Variants in CYRIB observed in about 807,000 individuals in gnomAD.
CYRIB encodes CYFIP related Rac1 interactor B.
Under a neutral mutation model 44.2 loss-of-function variants are expected in CYRIB, and 8 were observed. The observed-to-expected ratio is 0.18, with a 90% CI of 0.11 to 0.33. The LOEUF (loss-of-function observed/expected upper bound fraction) is 0.33. Ranked by LOEUF, CYRIB falls within the 10% of genes least tolerant of loss-of-function variation. CYRIB has a pLI of 1.00. For missense variants in CYRIB, 185 were observed against 382.8 expected, an observed-to-expected ratio of 0.48 and a Z score of 4.31; for synonymous variants, 131 against 127.2, an observed-to-expected ratio of 1.03 and a Z score of -0.20.
intron 2 of CYRIB, among the ~76,000 whole-genome samples, chr8:129,893,954 T>C (rs1240220450): frequency 1.3e-5 from 2 of 152,208 alleles, no homozygotes; most frequent in African/African-American, 4.8e-5. Flanking sequence ...ATACGTGATA[T>C]ACTGTGCATT....
intron 2 of CYRIB, among the ~76,000 whole-genome samples, chr8:129,891,001 CA>C (rs1443594022): frequency 1.3e-5 from 2 of 152,106 alleles, no homozygotes; most frequent in South Asian, 2.1e-4. Context: ...AGAAGAAAAA[CA>C]AAGGGATCTT....
chr8:129,853,405 T>G (rs2044398121), intron 7 of CYRIB, among the ~76,000 whole-genome samples: 1 of 152,246 alleles, frequency 6.6e-6, no homozygotes, highest in Non-Finnish European at 1.5e-5. Flanking sequence ...AGTGCCTTAG[T>G]GCAAGTGCTT....
intron 1 of CYRIB, among the ~76,000 whole-genome samples, chr8:129,922,620 T>C (rs2084323599): frequency 6.6e-6 from 1 of 151,762 alleles, no homozygotes; most frequent in Non-Finnish European, 1.5e-5. Flanking sequence ...TCCCAGCACT[T>C]TGGGAGGCCG....
intron 1 of CYRIB, among the ~76,000 whole-genome samples, chr8:129,909,823 T>C (rs528314998): frequency 6.6e-6 from 1 of 152,226 alleles, no homozygotes; most frequent in Non-Finnish European, 1.5e-5. Context: ...TGCATACACA[T>C]GCCCCTGCAC....
chr8:129,967,637 C>T (rs1435179519), intron 2 of CYRIB, among the ~76,000 whole-genome samples: 1 of 152,100 alleles, frequency 6.6e-6, no homozygotes, highest in East Asian at 1.9e-4. Flanking sequence ...CCTCAGCCTC[C>T]CAAAGTGCTG....
chr8:129,894,329 C>A (rs1466965867), intron 2 of CYRIB, among the ~76,000 whole-genome samples: 1 of 152,172 alleles, frequency 6.6e-6, no homozygotes, highest in African/African-American at 2.4e-5. Flanking sequence ...TTTTTAGAGT[C>A]TGAAATGTCT....
At position 130,016,441 on chromosome 8, in the gene CYRIB, C is replaced by G. The variant is rs543788190; in HGVS notation, c.-367G>C. 9.5e-3 allele frequency: 1,429 copies of G among 150,592 alleles called. 11 individuals are homozygous for G. Among genetic ancestry groups the G allele is most frequent in the Middle Eastern group, 0.05 (15 of 298 alleles). 9.3% of individuals were successfully genotyped at this position (150,592 alleles called of 1,614,324 possible). A position where few individuals can be genotyped will look rare whatever the true frequency, so the allele number is the denominator to read the frequency against. On this transcript the variant is annotated 5_prime_UTR_variant, in exon 1 of 15. Transcript: ENST00000401979. ...GCCTCGGAGCCTCCGGTGCCGCCGC[C>G]GCCGCCGTTTCCGGGTTGGCGGGGC...
chr8:129,910,132 C>T (rs1331549967), intron 1 of CYRIB, among the ~76,000 whole-genome samples: 2 of 152,124 alleles, frequency 1.3e-5, no homozygotes, highest in Non-Finnish European at 2.9e-5. Context: ...GTTTATGTAC[C>T]AGGCAACTTA....
At chr8:129,973,029 T>C (rs2095775703) in intron 1 of CYRIB, among the ~76,000 whole-genome samples, 1 of 152,156 alleles carries the variant, frequency 6.6e-6, no homozygotes, top group Non-Finnish European at 1.5e-5. Context: ...ACTCATTCAC[T>C]CAATAGCTAC....
chr8:129,846,090 C>T (rs2039820186), intron 11 of CYRIB, among the ~76,000 whole-genome samples: 1 of 152,212 alleles, frequency 6.6e-6, no homozygotes, highest in South Asian at 2.1e-4. Flanking sequence ...CAAGATTGTG[C>T]CACTGTACTC....
At chr8:129,874,074 T>C (rs991558777) in intron 3 of CYRIB, among the ~76,000 whole-genome samples, 4 of 151,882 alleles carry the variant, frequency 2.6e-5, no homozygotes, top group Middle Eastern at 3.2e-3. Context: ...TTTTATTTTA[T>C]TTTTTTCAAA....
intron 3 of CYRIB, among the ~76,000 whole-genome samples, chr8:129,877,988 C>A (rs1252455204): frequency 6.6e-6 from 1 of 152,164 alleles, no homozygotes; most frequent in Non-Finnish European, 1.5e-5. Flanking sequence ...GTTGCCTCAT[C>A]TGAAAGAATA....
intron 1 of CYRIB, among the ~76,000 whole-genome samples, chr8:129,922,078 C>G (rs553588310): frequency 6.6e-6 from 1 of 152,204 alleles, no homozygotes; most frequent in Non-Finnish European, 1.5e-5. Flanking sequence ...AGTGGCCACA[C>G]TGCACTAACC....
At chr8:129,888,068 T>C (rs563606993) in intron 2 of CYRIB, among the ~76,000 whole-genome samples, 2 of 152,240 alleles carry the variant, frequency 1.3e-5, no homozygotes, top group Non-Finnish European at 2.9e-5. Flanking sequence ...CAGAATGATA[T>C]GGTTTGAATT....
At chr8:129,997,012 G>A (rs1409189607) in intron 1 of CYRIB, among the ~76,000 whole-genome samples, 1 of 140,454 alleles carries the variant, frequency 7.1e-6, no homozygotes, top group Non-Finnish European at 1.5e-5. Flanking sequence ...ATGAAATGGT[G>A]TTATGAAAAC....
chr8:129,866,527 A>C (rs756624537), intron 4 of CYRIB, among the ~76,000 whole-genome samples: 37 of 152,172 alleles, frequency 2.4e-4, no homozygotes, highest in Non-Finnish European at 4.3e-4. Flanking sequence ...TAAATCACAC[A>C]TTTTGACTGT....
At chr8:130,014,044 A>G (rs567171802) in intron 1 of CYRIB, among the ~76,000 whole-genome samples, 105 of 152,250 alleles carry the variant, frequency 6.9e-4, no homozygotes, top group Non-Finnish European at 1.2e-3. Context: ...TTCCTGACTG[A>G]AGGTCTTGGG....
chr8:130,008,102 G>T (rs530143085), intron 1 of CYRIB, among the ~76,000 whole-genome samples: 1 of 151,298 alleles, frequency 6.6e-6, no homozygotes, highest in South Asian at 2.1e-4. Context: ...CCAGCTACTC[G>T]GGAGGCTGAG....
At position 129,913,626 on chromosome 8, in the gene CYRIB, T is replaced by C. The variant is rs913988303; in HGVS notation, c.-49-10276A>G. Among the ~76,000 whole-genome samples the C allele has an allele frequency of 2.6e-5, 4 of 152,220 alleles. No individual in the cohort carries two copies. The South Asian group carries it at 6.2e-4, about 24-fold the overall frequency. ...TCACAGACTACGTGTGAACAGTTCA[T>C]GGACCAGTGCTGGTTTGCAAAGTGC... On this transcript the variant is annotated intron_variant, in intron 1 of 11. Coordinates refer to ENST00000519824, the Ensembl canonical transcript of CYRIB.
Sources: allele counts gnomAD v4.1 joint callset (sites outside exome capture counted in the v4.1 genomes callset), GRCh38; gene constraint gnomAD v4.1.1; transcripts MANE v1.5; gene names NCBI Gene and HGNC (gene_info 2026-07-23, HGNC 2026-07-21).